GLIS1: variants seen among roughly 807,000 people sequenced by gnomAD.
GLIS1 encodes the protein GLIS family zinc finger 1, also known as zinc finger protein GLIS1.
In GLIS1, 24 loss-of-function variants were observed where a neutral mutation model predicts 63.8. The ratio of observed to expected loss-of-function variants is 0.38; its 90% CI spans 0.27 to 0.53. The LOEUF is 0.53. Among genes scored for constraint, GLIS1 ranks in the 20% least tolerant of loss-of-function variants. The pLI is 0.85. For synonymous variants in GLIS1, 450 were observed against 482.5 expected, an observed-to-expected ratio of 0.93 and a Z score of 0.88; for missense variants, 1,036 against 1,074.1, an observed-to-expected ratio of 0.96 and a Z score of 0.50.
rs773798489 is a variant in GLIS1, at chr1:53,594,227, C to T, written c.1201G>A (p.Gly401Ser). Reference sequence around the variant, plus strand: ...GCCCAGAAGCAGGTGAAGTCCTCGCCCTTGCGCTGGTCGATGTGGCTCTTC... The same window carrying T: ...GCCCAGAAGCAGGTGAAGTCCTCGCTCTTGCGCTGGTCGATGTGGCTCTTC... ...IEKSHIDQRK[G>S]EDFTCFWAGC... The change falls in exon 4 of 11, where the codon GGC becomes AGC. Residue 401 changes from glycine (G) to serine (S), a missense_variant. Gly to Ser is a moderately conservative substitution (Grantham distance 56). Around this residue, in one of 3 missense-constraint regions of GLIS1, gnomAD observed 592 missense variants for 593.9 expected, o/e 1.00. Coordinates refer to ENST00000628545, the MANE Select transcript of GLIS1 (RefSeq NM_001367484.1). 1.2e-6 allele frequency: 2 copies of T among 1,613,932 alleles called. No homozygotes were observed. The highest frequency in any genetic ancestry group is 2.2e-5 in the South Asian group (2 of 91,090).
At chr1:53,535,148 C>T (rs1644569835) in intron 4 of GLIS1, among the ~76,000 whole-genome samples, 1 of 152,004 alleles carries the variant, frequency 6.6e-6, no homozygotes, top group South Asian at 2.1e-4. Context: ...TTGGGGGCTC[C>T]CTTCATTCAA....
chr1:53,677,189 G>T (rs534365783), intron 2 of GLIS1, among the ~76,000 whole-genome samples: 2 of 152,350 alleles, frequency 1.3e-5, no homozygotes, highest in South Asian at 2.1e-4. Flanking sequence ...TCCATCAACA[G>T]AGTGAGTGTG....
intron 7 of GLIS1, among the ~76,000 whole-genome samples, chr1:53,515,077 ATATGTG>A (rs1277492130): frequency 9.2e-5 from 7 of 76,364 alleles, no homozygotes; most frequent in South Asian, 6.7e-4. Flanking sequence ...GTGTGTGTGT[ATATGTG>A]TGTGTGTGTG....
At position 53,598,240 on chromosome 1, in the gene GLIS1, G is replaced by A. The variant is rs532498071; in HGVS notation, c.437+1861C>T. Among the ~76,000 whole-genome samples, 136 of 152,236 alleles carry A rather than the reference G, an allele frequency of 8.9e-4. No individual in the cohort carries two copies. Among genetic ancestry groups the A allele is most frequent in the African/African-American group, 3.1e-3 (128 of 41,522 alleles). ...GTTGAGGGCCTACTCTGATAGGACA[G>A]GTGTTCTTATAAGAAATGAGGGCCG... On this transcript the variant is annotated intron_variant, in intron 3 of 10. Coordinates refer to ENST00000628545, the MANE Select transcript of GLIS1 (RefSeq NM_001367484.1). The surrounding 1 kb of genome is among the most constrained non-coding windows in gnomAD (Gnocchi z 4.6).
intron 2 of GLIS1, among the ~76,000 whole-genome samples, chr1:53,708,985 T>C (rs973290563): frequency 6.6e-6 from 1 of 152,134 alleles, no homozygotes; most frequent in African/African-American, 2.4e-5. Flanking sequence ...CTCCATGAAG[T>C]GTGTACATTC....
intron 4 of GLIS1, among the ~76,000 whole-genome samples, chr1:53,590,327 C>T (rs1645175876): frequency 6.6e-6 from 1 of 152,138 alleles, no homozygotes; most frequent in Admixed American, 6.5e-5. Context: ...GGACTCCAGA[C>T]CTGGGCTTTT....
intron 2 of GLIS1, among the ~76,000 whole-genome samples, chr1:53,642,893 CCCCAGTG>C (rs1236935756): frequency 1.3e-5 from 2 of 152,198 alleles, no homozygotes; most frequent in Admixed American, 6.5e-5. Context: ...AGCTCTCTGT[CCCCAGTG>C]CCCAGTGCAG....
At chr1:53,537,518 A>C (rs566173285) in intron 4 of GLIS1, among the ~76,000 whole-genome samples, 2 of 152,374 alleles carry the variant, frequency 1.3e-5, no homozygotes, top group East Asian at 3.9e-4. Flanking sequence ...CGGGAGCCTG[A>C]ACCTGGGCTA....
At position 53,594,508 on chromosome 1, in the gene GLIS1, C is replaced by T. The variant is rs1158517563; in HGVS notation, c.920G>A (p.Gly307Asp). The T allele has an allele frequency of 1.2e-6, 2 of 1,612,710 alleles. No individual in the cohort carries two copies. Among genetic ancestry groups the T allele is most frequent in the Admixed American group, 1.7e-5 (1 of 60,018 alleles). Residue 307 changes from glycine (G) to aspartate (D), a missense_variant, in exon 4 of 11, where the codon GGC (glycine) becomes GAC (aspartate). By Grantham distance (94) the Gly-to-Asp change is moderately conservative. Coordinates refer to ENST00000628545, the MANE Select transcript of GLIS1 (RefSeq NM_001367484.1). ...CCGGCAGGCTTCAAGTTGCAAGCTG[C>T]CCTCATGGCTGTCCGTCGATGCAGG... Reference protein sequence around the residue: ...PGPASTDSHEGSLQLEACRKA... With the variant: ...PGPASTDSHEDSLQLEACRKA...
At chr1:53,626,547 T>C (rs998680444) in intron 2 of GLIS1, among the ~76,000 whole-genome samples, 5 of 152,238 alleles carry the variant, frequency 3.3e-5, no homozygotes, top group Non-Finnish European at 7.3e-5. Flanking sequence ...TTTATAGCAC[T>C]CATCATTATT....
At chr1:53,568,689 T>G (rs1175783166) in intron 4 of GLIS1, among the ~76,000 whole-genome samples, 7 of 152,300 alleles carry the variant, frequency 4.6e-5, no homozygotes, top group Non-Finnish European at 8.8e-5. Flanking sequence ...TCACAAGATC[T>G]AATCATTTAA....
intron 2 of GLIS1, among the ~76,000 whole-genome samples, chr1:53,724,312 T>C (rs775012488): frequency 6.6e-6 from 1 of 152,214 alleles, no homozygotes; most frequent in Non-Finnish European, 1.5e-5. Flanking sequence ...CCAACAGAAC[T>C]TTCTGTGACG....
intron 2 of GLIS1, among the ~76,000 whole-genome samples, chr1:53,698,874 C>T (rs1473649727): frequency 5.3e-5 from 8 of 152,174 alleles, no homozygotes; most frequent in African/African-American, 1.7e-4. Context: ...GCGGGCAGCA[C>T]CAAACCCCAC....
intron 2 of GLIS1, among the ~76,000 whole-genome samples, chr1:53,635,716 CAAGA>C (rs954773515): frequency 3.3e-5 from 5 of 152,010 alleles, no homozygotes; most frequent in Non-Finnish European, 7.4e-5. Context: ...ACAAAGACCA[CAAGA>C]AAGAAGGAGG....
intron 2 of GLIS1, among the ~76,000 whole-genome samples, chr1:53,685,700 C>T (rs1461638072): frequency 6.6e-6 from 1 of 152,192 alleles, no homozygotes; most frequent in East Asian, 1.9e-4. Context: ...GCTTTCACAT[C>T]CAGTCAGTTG....
chr1:53,730,662 A>G (rs1291906349), intron 2 of GLIS1, among the ~76,000 whole-genome samples: 1 of 152,174 alleles, frequency 6.6e-6, no homozygotes, highest in Non-Finnish European at 1.5e-5. Flanking sequence ...CCCTTCAGAC[A>G]CAGCGGCACG....
At chr1:53,609,589 C>T (rs1037250332) in intron 2 of GLIS1, among the ~76,000 whole-genome samples, 1 of 152,142 alleles carries the variant, frequency 6.6e-6, no homozygotes, top group Non-Finnish European at 1.5e-5. Context: ...TTTATTTGAA[C>T]CTATTCTAGG....
intron 4 of GLIS1, among the ~76,000 whole-genome samples, chr1:53,542,709 C>G (rs1273750646): frequency 1.3e-5 from 2 of 152,208 alleles, no homozygotes; most frequent in Admixed American, 6.5e-5. Flanking sequence ...GCTGCGAGGT[C>G]CTGAGCTCTG....
intron 4 of GLIS1, among the ~76,000 whole-genome samples, chr1:53,565,167 T>C (rs1183999173): frequency 6.6e-6 from 1 of 152,060 alleles, no homozygotes; most frequent in African/African-American, 2.4e-5. Context: ...GTATTTACAA[T>C]ACTTATTTAC....
Sources: allele counts gnomAD v4.1 joint callset (sites outside exome capture counted in the v4.1 genomes callset), GRCh38; gene constraint gnomAD v4.1.1; regional missense constraint gnomAD v4.1.1; non-coding constraint Gnocchi (gnomAD v3.1); transcripts MANE v1.5; gene names NCBI Gene and HGNC (gene_info 2026-07-23, HGNC 2026-07-21).